Variants in GAP43 observed in about 807,000 individuals in gnomAD.
The protein encoded by GAP43 is growth associated protein 43.
Under a neutral mutation model 18.6 loss-of-function variants are expected in GAP43, and 6 were observed. The ratio of observed to expected loss-of-function variants is 0.32; its 90% CI spans 0.18 to 0.64. The LOEUF (loss-of-function observed/expected upper bound fraction) is 0.64. Among genes scored for constraint, GAP43 ranks in the 30% least tolerant of loss-of-function variants. The pLI is 0.78. For missense variants in GAP43, 292 were observed against 295.5 expected (o/e 0.99, Z 0.09); for synonymous variants, 115 against 111.4 (o/e 1.03, Z -0.20).
Position 115,663,443 on chromosome 3 carries a change from T to C in GAP43, c.31-12570T>C, listed in dbSNP as rs901543041. On this transcript the variant is annotated intron_variant, in intron 1 of 2. Coordinates refer to ENST00000305124, the MANE Select transcript of GAP43 (RefSeq NM_002045.4). The stretch of plus-strand genomic sequence containing the variant: ...TCATTTATTAAATAGCCATAGTTCC[T>C]GACCTGATGCCCTCTCCCTCCCTCT... The C allele has an allele frequency of 1.5e-5, 13 of 843,176 alleles. No individual in the cohort carries two copies. The South Asian group carries it at 5.2e-4, about 34-fold the overall frequency. 52.2% of individuals were successfully genotyped at this position (843,176 alleles called of 1,614,324 possible).
chr3:115,674,340 G>A (rs1250963790), intron 1 of GAP43, among the ~76,000 whole-genome samples: 1 of 152,212 alleles, frequency 6.6e-6, no homozygotes, highest in Non-Finnish European at 1.5e-5. Flanking sequence ...CAGTAGCCAT[G>A]TTGGGGCACC....
At chr3:115,665,211 T>C (rs893679227) in intron 1 of GAP43, among the ~76,000 whole-genome samples, 1 of 152,186 alleles carries the variant, frequency 6.6e-6, no homozygotes, top group Admixed American at 6.5e-5. Context: ...GCAAACATGT[T>C]CTTTCCCCTA....
intron 1 of GAP43, among the ~76,000 whole-genome samples, chr3:115,673,856 A>G: frequency 6.6e-6 from 1 of 152,234 alleles, no homozygotes; most frequent in East Asian, 1.9e-4. Context: ...GTGTATATAC[A>G]TGCATGGTTA....
intron 1 of GAP43, among the ~76,000 whole-genome samples, chr3:115,671,025 AG>A (rs1180866168): frequency 6.6e-6 from 1 of 152,222 alleles, no homozygotes; most frequent in Non-Finnish European, 1.5e-5. Context: ...TAGCAGAAGT[AG>A]ATATAGGGCC....
chr3:115,656,797 T>C (rs1708590095), intron 1 of GAP43, among the ~76,000 whole-genome samples: 1 of 152,174 alleles, frequency 6.6e-6, no homozygotes, highest in Non-Finnish European at 1.5e-5. Context: ...ACCTAAAATT[T>C]CCAGACCTGT....
At chr3:115,701,065 T>A (rs192939161) in intron 2 of GAP43, among the ~76,000 whole-genome samples, 1 of 152,178 alleles carries the variant, frequency 6.6e-6, no homozygotes, top group East Asian at 1.9e-4. Context: ...GACTAAAGGG[T>A]GTCAGATAAT....
intron 2 of GAP43, among the ~76,000 whole-genome samples, chr3:115,707,193 C>T (rs1709375200): frequency 6.6e-6 from 1 of 152,120 alleles, no homozygotes; most frequent in Non-Finnish European, 1.5e-5. Context: ...GTCATAACAA[C>T]CCCATGAGGT....
intron 1 of GAP43, among the ~76,000 whole-genome samples, chr3:115,637,087 A>C (rs1708338551): frequency 6.6e-6 from 1 of 152,074 alleles, no homozygotes; most frequent in Non-Finnish European, 1.5e-5. Context: ...ATCAAGACTT[A>C]TCTCATTTGT....
chr3:115,676,076 C>G lies in GAP43; in HGVS notation c.94C>G (p.His32Asp). Residue 32 changes from histidine to aspartate, a missense_variant, in exon 2 of 3, where the codon CAT becomes GAT. Coordinates refer to ENST00000305124, the MANE Select transcript of GAP43 (RefSeq NM_002045.4). Reference protein sequence around the residue: ...QDGIKPEDKAHKAATKIQASF... With the variant: ...QDGIKPEDKADKAATKIQASF... Reference sequence around the variant, plus strand: ...TGGTATCAAACCAGAAGATAAAGCTCATAAGGCCGCAACCAAAATTCAGGC... The same window carrying G: ...TGGTATCAAACCAGAAGATAAAGCTGATAAGGCCGCAACCAAAATTCAGGC... 6.2e-7 allele frequency: 1 copy of G among 1,614,128 alleles called. No homozygotes were observed. Among genetic ancestry groups the G allele is most frequent in the South Asian group, 1.1e-5 (1 of 91,072 alleles).
At chr3:115,677,386 G>C (rs1371763918) in intron 2 of GAP43, among the ~76,000 whole-genome samples, 1 of 152,116 alleles carries the variant, frequency 6.6e-6, no homozygotes, top group Non-Finnish European at 1.5e-5. Flanking sequence ...ATTACAAAAA[G>C]GTACTGGATT....
chr3:115,625,892 CA>C (rs1708181652), intron 1 of GAP43, among the ~76,000 whole-genome samples: 2 of 152,180 alleles, frequency 1.3e-5, no homozygotes, highest in African/African-American at 4.8e-5. Context: ...TGTGTTTTAG[CA>C]TCATTTATAT....
intron 1 of GAP43, among the ~76,000 whole-genome samples, chr3:115,649,819 A>AG (rs1708500522): frequency 7.6e-6 from 1 of 132,078 alleles, no homozygotes; most frequent in Non-Finnish European, 1.6e-5. Context: ...CTAAAAAAAA[A>AG]AAAAAAGAAA....
chr3:115,685,194 T>G (rs557437544), intron 2 of GAP43, among the ~76,000 whole-genome samples: 3 of 152,204 alleles, frequency 2.0e-5, no homozygotes, highest in Non-Finnish European at 4.4e-5. Flanking sequence ...ATTTAGGGCT[T>G]CATAGACCAG....
At chr3:115,710,925 C>G (rs1709428967) in intron 2 of GAP43, among the ~76,000 whole-genome samples, 2 of 152,100 alleles carry the variant, frequency 1.3e-5, no homozygotes, top group African/African-American at 4.8e-5. Flanking sequence ...GTGAATCCAG[C>G]CTGCCAAGGC....
At position 115,665,993 on chromosome 3, in the gene GAP43, TGTGTGTGTG is replaced by T. The variant is rs1708728245; in HGVS notation, c.31-10019_31-10011del. Among the ~76,000 whole-genome samples the T allele has an allele frequency of 7.1e-4, 99 of 139,472 alleles. 1 individual carries two copies. The highest frequency in any genetic ancestry group is 7.0e-3 in the South Asian group (30 of 4,302). 91.5% of individuals were successfully genotyped at this position (139,472 alleles called of 152,430 possible). The stretch of plus-strand genomic sequence containing the variant: ...ATATGAAATAGTGGCTAAATGAGTG[TGTGTGTGTG>T]TGTGTGTGTGTGTGTGTGTGTGTGT... On this transcript the variant is annotated intron_variant, in intron 1 of 2. Transcript: ENST00000305124.
intron 1 of GAP43, among the ~76,000 whole-genome samples, chr3:115,668,078 G>A (rs1019536842): frequency 1.3e-5 from 2 of 152,144 alleles, no homozygotes; most frequent in Non-Finnish European, 2.9e-5. Context: ...TTCCTCCCAG[G>A]GCTGACTTCC....
At chr3:115,662,480 A>G (rs1559794807) in intron 1 of GAP43, among the ~76,000 whole-genome samples, 3 of 152,306 alleles carry the variant, frequency 2.0e-5, no homozygotes, top group East Asian at 3.9e-4. Context: ...GGAATTTTCT[A>G]TGTAGTAACT....
At chr3:115,653,295 AGCT>A (rs1213490368) in intron 1 of GAP43, among the ~76,000 whole-genome samples, 1 of 152,042 alleles carries the variant, frequency 6.6e-6, no homozygotes, top group Admixed American at 6.5e-5. Context: ...CAAAAAAATT[AGCT>A]GGGTGTGGTG....
intron 2 of GAP43, among the ~76,000 whole-genome samples, chr3:115,699,513 C>G (rs1490480573): frequency 3.3e-5 from 5 of 152,176 alleles, no homozygotes; most frequent in African/African-American, 9.7e-5. Flanking sequence ...AGCTGCAAAT[C>G]TAGCTTCTAT....
Sources: gnomAD v4.1 joint callset for allele counts (sites outside exome capture counted in the v4.1 genomes callset) on GRCh38, gnomAD v4.1.1 for gene constraint, MANE v1.5 for transcripts, NCBI Gene and HGNC (gene_info 2026-07-23, HGNC 2026-07-21) for gene names.